Variants in DPP10 observed in about 807,000 individuals in gnomAD.
DPP10 encodes the protein inactive dipeptidyl peptidase 10.
Under a neutral mutation model 120.9 loss-of-function variants are expected in DPP10, and 33 were observed. That is an observed-to-expected ratio of 0.27 (90% CI 0.21 to 0.37). The LOEUF (loss-of-function observed/expected upper bound fraction) is 0.37, where lower values mean the gene tolerates loss of function less well. Among genes scored for constraint, DPP10 ranks in the 10% least tolerant of loss-of-function variants. DPP10 has a pLI of 1.00. For synonymous variants in DPP10, 337 were observed against 326.1 expected (o/e 1.03, Z -0.36); for missense variants, 816 against 942.8 (o/e 0.87, Z 1.76).
intron 1 of DPP10, among the ~76,000 whole-genome samples, chr2:114,962,558 T>C (rs1698721223): frequency 1.3e-5 from 2 of 152,186 alleles, no homozygotes; most frequent in Non-Finnish European, 2.9e-5. Flanking sequence ...ACTCAATAAA[T>C]ATTATTGATA....
chr2:114,452,692 A>C (rs1678355618), intron 1 of DPP10, among the ~76,000 whole-genome samples: 1 of 152,140 alleles, frequency 6.6e-6, no homozygotes, highest in Non-Finnish European at 1.5e-5. Context: ...AATTTAAATA[A>C]ATTGGCTAAA....
At chr2:115,682,579 C>T (rs2421276) in intron 5 of DPP10, among the ~76,000 whole-genome samples, 148,676 of 151,806 alleles carry the variant, frequency 0.98, 72,869 homozygotes, top group Middle Eastern at 1. Flanking sequence ...TTTATTCTGC[C>T]TGCTCAAAGA....
At chr2:115,072,660 C>T (rs1707462852) in intron 1 of DPP10, among the ~76,000 whole-genome samples, 1 of 152,162 alleles carries the variant, frequency 6.6e-6, no homozygotes, top group African/African-American at 2.4e-5. Context: ...TTAAGAGTAG[C>T]AAAAAGGCAT....
chr2:115,676,867 A>T (rs1217239376), intron 5 of DPP10, among the ~76,000 whole-genome samples: 2 of 152,196 alleles, frequency 1.3e-5, no homozygotes, highest in Non-Finnish European at 2.9e-5. Context: ...TAACCCAAAA[A>T]TGTCCTCTCT....
At chr2:115,596,781 C>G (rs537350177) in intron 5 of DPP10, among the ~76,000 whole-genome samples, 1 of 152,212 alleles carries the variant, frequency 6.6e-6, no homozygotes, top group Non-Finnish European at 1.5e-5. Context: ...GCACCTTAAA[C>G]AAAGAGATGA....
intron 1 of DPP10, chr2:115,161,088 A>G (rs575538387): frequency 7.2e-5 from 11 of 152,110 alleles, no homozygotes; most frequent in African/African-American, 2.4e-4. Context: ...TACAGTTCTT[A>G]TGGTTTTTAA....
chr2:114,878,317 CTG>C (rs1044727553), intron 1 of DPP10, among the ~76,000 whole-genome samples: 3 of 152,164 alleles, frequency 2.0e-5, no homozygotes, highest in African/African-American at 2.4e-5. Context: ...TACATAATAA[CTG>C]TACATAGTTA....
chr2:115,113,331 T>G (rs2049327914), intron 1 of DPP10, among the ~76,000 whole-genome samples: 1 of 152,104 alleles, frequency 6.6e-6, no homozygotes, highest in Admixed American at 6.6e-5. Context: ...TTTTAAAGTC[T>G]AAATGTTCCA....
chr2:115,275,566 G>A (rs1006929603), intron 1 of DPP10, among the ~76,000 whole-genome samples: 4 of 152,062 alleles, frequency 2.6e-5, no homozygotes, highest in African/African-American at 4.8e-5. Flanking sequence ...TATAAGTCAC[G>A]TTAGCCGCAA....
chr2:115,734,911 G>C (rs1041588995), intron 8 of DPP10, among the ~76,000 whole-genome samples: 1 of 139,594 alleles, frequency 7.2e-6, no homozygotes, highest in Non-Finnish European at 1.7e-5. Context: ...TCATGAACAA[G>C]GTAAATGCCA....
chr2:115,024,274 A>G (rs1348537315), intron 1 of DPP10, among the ~76,000 whole-genome samples: 1 of 152,066 alleles, frequency 6.6e-6, no homozygotes, highest in East Asian at 1.9e-4. Context: ...ACAGTCTCCT[A>G]TTTTCAGTTG....
At chr2:114,650,068 A>C (rs1185536634) in intron 1 of DPP10, among the ~76,000 whole-genome samples, 2 of 152,070 alleles carry the variant, frequency 1.3e-5, no homozygotes, top group Non-Finnish European at 2.9e-5. Flanking sequence ...AATGTAGGAG[A>C]TTTCGATCAA....
intron 1 of DPP10, among the ~76,000 whole-genome samples, chr2:115,164,509 A>G (rs1271350553): frequency 3.9e-5 from 6 of 152,198 alleles, no homozygotes; most frequent in Non-Finnish European, 8.8e-5. Context: ...TAGTGGTTAA[A>G]TAGGGCACAT....
intron 1 of DPP10, among the ~76,000 whole-genome samples, chr2:115,139,724 T>TAAAAA (rs55826687): frequency 9.5e-4 from 54 of 56,614 alleles, no homozygotes; most frequent in South Asian, 4.5e-3. Context: ...GTAAAAATAC[T>TAAAAA]AAAAAAAAAA....
intron 5 of DPP10, among the ~76,000 whole-genome samples, chr2:115,638,303 A>T (rs1391155557): frequency 1.3e-5 from 2 of 152,192 alleles, no homozygotes; most frequent in African/African-American, 4.8e-5. Flanking sequence ...CTCTAGTATT[A>T]TATGTGATTG....
Position 115,484,297 on chromosome 2 carries a change from A to G in DPP10, c.272-15213A>G, listed in dbSNP as rs1053115986. Among the ~76,000 whole-genome samples, 4 of 151,992 alleles carry G rather than the reference A, an allele frequency of 2.6e-5. No individual in the cohort carries two copies. In the East Asian group the frequency reaches 7.8e-4, roughly 30 times the overall value. The stretch of plus-strand genomic sequence containing the variant: ...ATACCCTCCATAAATAAACATAGTT[A>G]TTATGAATGCACACTCATTGTGTAA... On this transcript the variant is annotated intron_variant, in intron 3 of 25. Coordinates refer to ENST00000410059, the MANE Select transcript of DPP10 (RefSeq NM_020868.6).
chr2:114,631,135 G>T (rs1226605185), intron 1 of DPP10, among the ~76,000 whole-genome samples: 6 of 152,250 alleles, frequency 3.9e-5, no homozygotes, highest in African/African-American at 1.4e-4. Context: ...GGTGGGGAAG[G>T]AGATTCTGGA....
intron 8 of DPP10, among the ~76,000 whole-genome samples, chr2:115,738,354 G>T (rs1195689493): frequency 6.6e-6 from 1 of 151,962 alleles, no homozygotes; most frequent in Admixed American, 6.6e-5. Flanking sequence ...CTTTTTTCCT[G>T]TGTACTATCT....
intron 1 of DPP10, among the ~76,000 whole-genome samples, chr2:114,834,879 CACAACTAT>C: frequency 2.0e-5 from 3 of 148,312 alleles, no homozygotes; most frequent in African/African-American, 7.9e-5. Flanking sequence ...GACATATCTA[CACAACTAT>C]GTATATATAA....
Sources: gnomAD v4.1 joint callset for allele counts (sites outside exome capture counted in the v4.1 genomes callset) on GRCh38, gnomAD v4.1.1 for gene constraint, MANE v1.5 for transcripts, NCBI Gene and HGNC (gene_info 2026-07-23, HGNC 2026-07-21) for gene names.